The following CDKAL1 variants were observed in gnomAD, a reference collection of about 807,000 sequenced individuals.
CDKAL1 encodes the protein threonylcarbamoyladenosine tRNA methylthiotransferase.
In CDKAL1, 32 loss-of-function variants were observed where a neutral mutation model predicts 68.2. The observed-to-expected ratio is 0.47, with a 90% CI of 0.35 to 0.63. The LOEUF (loss-of-function observed/expected upper bound fraction) is 0.63, where lower values mean the gene tolerates loss of function less well. CDKAL1 is among the 30% of genes least tolerant of loss of function. The probability of loss-of-function intolerance (pLI) is 0.00; values close to 1 mark genes in which losing one functional copy is unlikely to be tolerated. For missense variants in CDKAL1, 606 were observed against 696.7 expected, an observed-to-expected ratio of 0.87 and a Z score of 1.47; for synonymous variants, 234 against 244.3, an observed-to-expected ratio of 0.96 and a Z score of 0.39.
At chr6:20,609,642 C>T (rs1231636275) in intron 4 of CDKAL1, among the ~76,000 whole-genome samples, 1 of 151,938 alleles carries the variant, frequency 6.6e-6, no homozygotes, top group African/African-American at 2.4e-5. Flanking sequence ...GTGATCTGCC[C>T]ACCTTGGCCT....
At chr6:20,901,925 T>C (rs963480346) in intron 9 of CDKAL1, among the ~76,000 whole-genome samples, 6 of 151,860 alleles carry the variant, frequency 4.0e-5, no homozygotes, top group Non-Finnish European at 5.9e-5. Context: ...CACAGGTGCA[T>C]GCCATCATGC....
At position 20,539,685 on chromosome 6, in the gene CDKAL1, T is replaced by C. The variant is rs1763313175; in HGVS notation, c.-6+4291T>C. ...TGACTGAGGGGAGCGTGGTAGGAAGTGGGGCCAGAGATGCAGCAGGAGGCT... is the reference window on the plus strand; with the variant it reads ...TGACTGAGGGGAGCGTGGTAGGAAGCGGGGCCAGAGATGCAGCAGGAGGCT... On this transcript the variant is annotated intron_variant, in intron 2 of 15. Transcript: ENST00000274695. The surrounding 1 kb of genome is among the most constrained non-coding windows in gnomAD (Gnocchi z 4.3). 1.3e-5 allele frequency among the ~76,000 whole-genome samples: 2 copies of C among 152,060 alleles called. No individual in the cohort carries two copies. Among genetic ancestry groups the C allele is most frequent in the African/African-American group, 2.4e-5 (1 of 41,392 alleles).
At chr6:21,164,196 AT>A (rs1777045817) in intron 13 of CDKAL1, among the ~76,000 whole-genome samples, 1 of 152,042 alleles carries the variant, frequency 6.6e-6, no homozygotes, top group Non-Finnish European at 1.5e-5. Flanking sequence ...ATCACTTCCT[AT>A]TTTGAAATGA....
At chr6:20,800,378 A>G (rs546065984) in intron 8 of CDKAL1, among the ~76,000 whole-genome samples, 2 of 152,332 alleles carry the variant, frequency 1.3e-5, no homozygotes, top group East Asian at 3.9e-4. Context: ...TAAACTGTAG[A>G]AAATGCAAAC....
At chr6:21,097,715 A>G (rs928434501) in intron 12 of CDKAL1, among the ~76,000 whole-genome samples, 1 of 152,226 alleles carries the variant, frequency 6.6e-6, no homozygotes, top group African/African-American at 2.4e-5. Flanking sequence ...TCATTGGAGA[A>G]AGGAGCAATC....
intron 9 of CDKAL1, among the ~76,000 whole-genome samples, chr6:20,914,814 G>T (rs1468064238): frequency 1.3e-5 from 2 of 152,102 alleles, no homozygotes; most frequent in South Asian, 2.1e-4. Context: ...CCTTTTTAAC[G>T]TGTAGATTTT....
At chr6:20,713,495 T>G (rs1161300408) in intron 5 of CDKAL1, among the ~76,000 whole-genome samples, 1 of 152,168 alleles carries the variant, frequency 6.6e-6, no homozygotes, top group Non-Finnish European at 1.5e-5. Flanking sequence ...ACTGATATTC[T>G]TTTTTCATAT....
At position 20,940,829 on chromosome 6, in the gene CDKAL1, G is replaced by A. The variant is rs560598641; in HGVS notation, c.743-14590G>A. 7.7e-4 allele frequency among the ~76,000 whole-genome samples: 118 copies of A among 152,278 alleles called. 1 individual carries two copies. The highest frequency in any genetic ancestry group is 1.0e-3 in the Non-Finnish European group (70 of 68,022). ...TTTAGGGCCAGGCACTGTGGCTCAC[G>A]CCTGTAATCCCAGCACTTTGAGAGG... is the stretch of plus-strand genomic sequence containing the variant. On this transcript the variant is annotated intron_variant, in intron 9 of 15. Transcript: ENST00000274695.
chr6:21,079,037 G>A (rs1772237029), intron 12 of CDKAL1, among the ~76,000 whole-genome samples: 1 of 152,160 alleles, frequency 6.6e-6, no homozygotes, highest in South Asian at 2.1e-4. Context: ...AGTGGGGGGT[G>A]CCTGTGTGAG....
chr6:20,867,302 C>T (rs898891040), intron 9 of CDKAL1, among the ~76,000 whole-genome samples: 10 of 152,064 alleles, frequency 6.6e-5, no homozygotes, highest in Admixed American at 4.6e-4. Flanking sequence ...ATGGCATGAC[C>T]TTTGTGAATT....
intron 4 of CDKAL1, among the ~76,000 whole-genome samples, chr6:20,550,627 T>C (rs1334286982): frequency 6.6e-6 from 1 of 152,098 alleles, no homozygotes; most frequent in African/African-American, 2.4e-5. Flanking sequence ...GGTGTCGCTG[T>C]TGTGAGGTCC....
intron 6 of CDKAL1, among the ~76,000 whole-genome samples, chr6:20,744,159 A>T (rs776492028): frequency 2.6e-5 from 4 of 152,126 alleles, no homozygotes; most frequent in Non-Finnish European, 5.9e-5. Flanking sequence ...CATTTATGTT[A>T]GCTGTAGATA....
chr6:20,786,291 A>T (rs1775667936), intron 8 of CDKAL1, among the ~76,000 whole-genome samples: 1 of 152,126 alleles, frequency 6.6e-6, no homozygotes, highest in Non-Finnish European at 1.5e-5. Flanking sequence ...GAAGTTGAAA[A>T]TTTCAGATTG....
chr6:20,633,490 T>C (rs1313308977), intron 4 of CDKAL1, among the ~76,000 whole-genome samples: 1 of 152,272 alleles, frequency 6.6e-6, no homozygotes. Context: ...AATGCTGTTA[T>C]TAACATTGAT....
intron 10 of CDKAL1, among the ~76,000 whole-genome samples, chr6:20,978,324 AT>A (rs775130566): frequency 8.5e-5 from 13 of 152,250 alleles, no homozygotes; most frequent in South Asian, 6.2e-4. Context: ...TTCTTAAGTT[AT>A]TAGTAAGTGC....
intron 9 of CDKAL1, among the ~76,000 whole-genome samples, chr6:20,878,158 G>A (rs572125172): frequency 2.0e-4 from 30 of 152,054 alleles, no homozygotes; most frequent in African/African-American, 7.0e-4. Context: ...ATGTCTTGTC[G>A]CCCCTACTAG....
At chr6:20,581,015 C>T (rs906714242) in intron 4 of CDKAL1, among the ~76,000 whole-genome samples, 2 of 152,126 alleles carry the variant, frequency 1.3e-5, no homozygotes, top group African/African-American at 4.8e-5. Flanking sequence ...TTTCGAACTC[C>T]CGACCTCAGG....
At chr6:20,735,579 G>C (rs1773155795) in intron 5 of CDKAL1, among the ~76,000 whole-genome samples, 1 of 152,164 alleles carries the variant, frequency 6.6e-6, no homozygotes, top group Non-Finnish European at 1.5e-5. Flanking sequence ...AGATTTGGGT[G>C]GGGACACAGC....
chr6:21,116,633 A>G (rs900312938), intron 13 of CDKAL1, among the ~76,000 whole-genome samples: 3 of 152,158 alleles, frequency 2.0e-5, no homozygotes, highest in African/African-American at 7.2e-5. Context: ...TTCCTAGGTC[A>G]TCATTTAAGA....
Sources: gnomAD v4.1 joint callset for allele counts (sites outside exome capture counted in the v4.1 genomes callset) on GRCh38, gnomAD v4.1.1 for gene constraint, Gnocchi (gnomAD v3.1) non-coding constraint, MANE v1.5 for transcripts, NCBI Gene and HGNC (gene_info 2026-07-23, HGNC 2026-07-21) for gene names.